Variants in SLC39A8 observed in about 807,000 individuals in gnomAD.
The protein encoded by SLC39A8 is solute carrier family 39 member 8.
SLC39A8 carries 15 observed loss-of-function variants against 40.4 expected under a neutral mutation model. That is an observed-to-expected ratio of 0.37 (90% CI 0.25 to 0.57). The LOEUF (loss-of-function observed/expected upper bound fraction) is 0.57, where lower values mean the gene tolerates loss of function less well. Among genes scored for constraint, SLC39A8 ranks in the 20% least tolerant of loss-of-function variants. The probability of loss-of-function intolerance (pLI) is 0.75; values close to 1 mark genes in which losing one functional copy is unlikely to be tolerated. For synonymous variants in SLC39A8, 223 were observed against 221.6 expected, an observed-to-expected ratio of 1.01 and a Z score of -0.06; for missense variants, 472 against 558.8, an observed-to-expected ratio of 0.84 and a Z score of 1.57.
chr4:102,266,257 AACAACTC>A (rs764066142), intron 8 of SLC39A8, among the ~76,000 whole-genome samples: 45 of 152,190 alleles, frequency 3.0e-4, no homozygotes, highest in Non-Finnish European at 4.7e-4. Context: ...CTTTAAACTG[AACAACTC>A]TAGTAAGATT....
intron 6 of SLC39A8, among the ~76,000 whole-genome samples, chr4:102,287,748 T>G (rs1379887077): frequency 1.3e-5 from 2 of 152,160 alleles, no homozygotes; most frequent in Non-Finnish European, 2.9e-5. Context: ...TTATTTAAAG[T>G]AGCCATTTTA....
chr4:102,319,230 T>C (rs1297259161), intron 2 of SLC39A8, among the ~76,000 whole-genome samples: 2 of 152,194 alleles, frequency 1.3e-5, no homozygotes, highest in Non-Finnish European at 2.9e-5. Flanking sequence ...CCTAAACATG[T>C]CCTTATGGGA....
chr4:102,272,071 G>T (rs1200679584), intron 6 of SLC39A8, among the ~76,000 whole-genome samples: 2 of 152,066 alleles, frequency 1.3e-5, no homozygotes, highest in South Asian at 2.1e-4. Context: ...AGGCTCAGGG[G>T]CTCCTGCCAG....
chr4:102,290,263 G>C (rs77378426), intron 6 of SLC39A8, among the ~76,000 whole-genome samples: 1 of 152,096 alleles, frequency 6.6e-6, no homozygotes, highest in African/African-American at 2.4e-5. Context: ...CATAATGACA[G>C]TGCACACTTA....
downstream of SLC39A8, chr4:102,259,310 G>T: frequency 2.1e-6 from 1 of 477,982 alleles, no homozygotes; most frequent in Non-Finnish European, 3.8e-6. Flanking sequence ...AATTATCCAC[G>T]TGTTGCCTCA....
intron 2 of SLC39A8, 99 bp from the exon 3 acceptor site, chr4:102,315,929 C>T (rs1734635931): frequency 3.0e-6 from 3 of 990,796 alleles, no homozygotes; most frequent in African/African-American, 3.3e-5. Flanking sequence ...TCTAGATGCA[C>T]AGCACTCTTT....
chr4:102,305,491 T>A (rs1220254017), intron 4 of SLC39A8, among the ~76,000 whole-genome samples: 1 of 152,000 alleles, frequency 6.6e-6, no homozygotes, highest in African/African-American at 2.4e-5. Context: ...AGATATTGAT[T>A]ACCTACTGTC....
intron 6 of SLC39A8, 149 bp from the exon 7 acceptor site, chr4:102,268,228 A>T (rs1167369064): frequency 1.4e-6 from 1 of 729,486 alleles, no homozygotes; most frequent in Non-Finnish European, 2.2e-6. Context: ...AATATATAAC[A>T]GAGCAAAGAA....
At chr4:102,327,326 T>C (rs189703209) in intron 2 of SLC39A8, among the ~76,000 whole-genome samples, 47 of 152,236 alleles carry the variant, frequency 3.1e-4, no homozygotes, top group South Asian at 6.2e-4. Flanking sequence ...CACTTGCCTG[T>C]CTCTAATATT....
At chr4:102,323,510 G>A (rs1306792562) in intron 2 of SLC39A8, among the ~76,000 whole-genome samples, 2 of 152,154 alleles carry the variant, frequency 1.3e-5, no homozygotes, top group Non-Finnish European at 2.9e-5. Context: ...TTAATGGAGA[G>A]ATCAGTAACG....
At chr4:102,274,189 C>T (rs1732503340) in intron 6 of SLC39A8, among the ~76,000 whole-genome samples, 1 of 151,990 alleles carries the variant, frequency 6.6e-6, no homozygotes, top group Non-Finnish European at 1.5e-5. Flanking sequence ...ATGTAAGGAA[C>T]CTAAGAACCT....
chr4:102,255,619 A>G (rs1341988084), intron 11 of SLC39A8, among the ~76,000 whole-genome samples: 1 of 152,180 alleles, frequency 6.6e-6, no homozygotes, highest in Non-Finnish European at 1.5e-5. Context: ...CAAATGGGTG[A>G]GGTTAAGTGC....
rs1204541923 is a variant in SLC39A8, at chr4:102,300,905, A to AT, written c.840+3411dup. Among the ~76,000 whole-genome samples the AT allele has an allele frequency of 1.3e-4, 19 of 151,994 alleles. No individual in the cohort carries two copies. In the East Asian group the frequency reaches 3.7e-3, roughly 30 times the overall value. On this transcript the variant is annotated intron_variant, in intron 6 of 8. Coordinates refer to ENST00000356736, the MANE Select transcript of SLC39A8 (RefSeq NM_001135146.2). ...TATTTCTTAAATTTCATTTCTTTTG[A>AT]TTTTTTGTGCAATGTAAACAAAACT... is the stretch of plus-strand genomic sequence containing the variant.
intron 3 of SLC39A8, among the ~76,000 whole-genome samples, chr4:102,308,387 A>T (rs1734282999): frequency 2.0e-5 from 3 of 152,144 alleles, no homozygotes; most frequent in South Asian, 2.1e-4. Flanking sequence ...CCTGGCACCC[A>T]GTAGGCACAC....
chr4:102,259,310 G>A (rs966308444), downstream of SLC39A8: 5 of 477,866 alleles, frequency 1.0e-5, no homozygotes, highest in African/African-American at 2.0e-5. Flanking sequence ...AATTATCCAC[G>A]TGTTGCCTCA....
chr4:102,320,175 ATATATATATATATATG>A (rs759910985), intron 2 of SLC39A8, among the ~76,000 whole-genome samples: 17,600 of 121,582 alleles, frequency 0.14, 1,497 homozygotes, highest in South Asian at 0.23. Flanking sequence ...ATACATATAT[ATATATATATATATATG>A]TATATATATA....
At chr4:102,312,395 T>C (rs536306392) in intron 3 of SLC39A8, among the ~76,000 whole-genome samples, 1 of 152,228 alleles carries the variant, frequency 6.6e-6, no homozygotes, top group South Asian at 2.1e-4. Flanking sequence ...TTAGAATTGC[T>C]GACTTTTCCA....
At chr4:102,302,398 T>C (rs575402544) in intron 6 of SLC39A8, among the ~76,000 whole-genome samples, 15 of 152,116 alleles carry the variant, frequency 9.9e-5, no homozygotes, top group Non-Finnish European at 1.8e-4. Context: ...GCCAAAAGCT[T>C]GTGTAAGGCA....
intron 11 of SLC39A8, among the ~76,000 whole-genome samples, chr4:102,256,491 T>C (rs1731711197): frequency 2.0e-5 from 3 of 152,240 alleles, no homozygotes; most frequent in African/African-American, 7.2e-5. Flanking sequence ...AAGATTCTTA[T>C]CTGCCAGAAA....
Sources: allele counts gnomAD v4.1 joint callset (sites outside exome capture counted in the v4.1 genomes callset), GRCh38; gene constraint gnomAD v4.1.1; transcripts MANE v1.5; gene names NCBI Gene and HGNC (gene_info 2026-07-23, HGNC 2026-07-21).